The following CTBP2 variants were observed in gnomAD, a reference collection of about 807,000 sequenced individuals.
CTBP2 encodes the protein C-terminal-binding protein 2.
CTBP2 carries 30 observed loss-of-function variants against 80.3 expected under a neutral mutation model. The ratio of observed to expected loss-of-function variants is 0.37; its 90% CI spans 0.28 to 0.51. The LOEUF is 0.51. Among genes scored for constraint, CTBP2 ranks in the 20% least tolerant of loss-of-function variants. The pLI, the probability that CTBP2 is intolerant of heterozygous loss-of-function variation, is 0.93. For synonymous variants in CTBP2, 594 were observed against 587.4 expected, an observed-to-expected ratio of 1.01 and a Z score of -0.16; for missense variants, 1,212 against 1,375.3, an observed-to-expected ratio of 0.88 and a Z score of 1.88.
chr10:125,033,376 AGC>A (rs1485653641), intron 3 of CTBP2, among the ~76,000 whole-genome samples: 2 of 152,198 alleles, frequency 1.3e-5, no homozygotes, highest in Admixed American at 6.5e-5. Context: ...AACGCCCTCG[AGC>A]GCGCACGCCA....
rs1335127570 is a variant in CTBP2, at chr10:125,066,881, C to T, written c.-101-27726G>A. On this transcript the variant is annotated intron_variant, in intron 2 of 10. Transcript: ENST00000337195. This position sits in a 1 kb window ranked among gnomAD's most constrained non-coding sequence, Gnocchi z 4.1. ...AGGGAAGCCCAGTGTGTGCGACGTGCCTCTTCCTATCTCCCCTGGGCAGTC... is the reference window on the plus strand; with the variant it reads ...AGGGAAGCCCAGTGTGTGCGACGTGTCTCTTCCTATCTCCCCTGGGCAGTC... Among the ~76,000 whole-genome samples the T allele has an allele frequency of 6.6e-6, 1 of 152,144 alleles. No homozygotes were observed. Among genetic ancestry groups the T allele is most frequent in the Admixed American group, 6.5e-5 (1 of 15,284 alleles).
intron 1 of CTBP2, among the ~76,000 whole-genome samples, chr10:125,020,182 A>G (rs1439684067): frequency 6.6e-6 from 1 of 152,212 alleles, no homozygotes; most frequent in African/African-American, 2.4e-5. Context: ...GGCCAAGATC[A>G]ACAGCTTTTA....
At chr10:125,159,467 T>C (rs1387986898) in intron 1 of CTBP2, among the ~76,000 whole-genome samples, 1 of 144,596 alleles carries the variant, frequency 6.9e-6, no homozygotes, top group African/African-American at 2.5e-5. Flanking sequence ...CCGCCGCGAC[T>C]TTGGCGGGCC....
At position 124,986,005 on chromosome 10, in the gene CTBP2, A is replaced by C. The variant is rs1291058390; in HGVS notation, c.*3513T>G. On this transcript the variant is annotated 3_prime_UTR_variant, in exon 9 of 9. Transcript: ENST00000309035. Reference sequence around the variant, plus strand: ...GAATAAAGATTTTAAAAATGCAATAAGGTGGCAAATGCATTGTATGAAGAA... The same window carrying C: ...GAATAAAGATTTTAAAAATGCAATACGGTGGCAAATGCATTGTATGAAGAA... 1 of 152,444 alleles carries C rather than the reference A, an allele frequency of 6.6e-6. No individual in the cohort carries two copies. Among genetic ancestry groups the C allele is most frequent in the African/African-American group, 2.4e-5 (1 of 41,470 alleles). The allele number at this position is 152,444 out of a possible 1,614,324, so 9.4% of individuals were successfully genotyped here.
chr10:125,002,031 C>G (rs1420889400), intron 3 of CTBP2, among the ~76,000 whole-genome samples: 1 of 152,174 alleles, frequency 6.6e-6, no homozygotes, highest in African/African-American at 2.4e-5. Flanking sequence ...GGGCCTTAGC[C>G]GATGGGAGAG....
At chr10:125,130,372 C>T (rs928066067) in intron 1 of CTBP2, among the ~76,000 whole-genome samples, 5 of 152,168 alleles carry the variant, frequency 3.3e-5, no homozygotes, top group African/African-American at 1.2e-4. Context: ...TCTAGCCTTC[C>T]CTTGCTGAGC....
chr10:125,059,281 T>G (rs1964529270), intron 2 of CTBP2, among the ~76,000 whole-genome samples: 1 of 152,066 alleles, frequency 6.6e-6, no homozygotes, highest in South Asian at 2.1e-4. Flanking sequence ...GCAATTTCAC[T>G]TCAGAAATGT....
At chr10:125,144,781 T>C (rs984635748) in intron 1 of CTBP2, among the ~76,000 whole-genome samples, 9 of 152,348 alleles carry the variant, frequency 5.9e-5, no homozygotes, top group African/African-American at 1.9e-4. Flanking sequence ...CTTGTGTACA[T>C]AGATAGTAAT....
At chr10:125,131,744 C>T (rs560307487) in intron 1 of CTBP2, among the ~76,000 whole-genome samples, 1 of 152,320 alleles carries the variant, frequency 6.6e-6, no homozygotes, top group South Asian at 2.1e-4. Flanking sequence ...GTGATTCAGG[C>T]ACTCAGAATC....
intron 2 of CTBP2, among the ~76,000 whole-genome samples, chr10:125,067,041 C>G (rs1394692975): frequency 6.6e-6 from 1 of 152,202 alleles, no homozygotes; most frequent in Admixed American, 6.5e-5. Flanking sequence ...AGACACCCCC[C>G]ACGTCCACCT....
chr10:125,151,826 G>A lies in CTBP2; in HGVS notation c.-206+8493C>T, dbSNP rs372497660. Among the ~76,000 whole-genome samples the A allele has an allele frequency of 1.2e-4, 19 of 152,314 alleles. No individual in the cohort carries two copies. The South Asian group carries it at 3.7e-3, about 30-fold the overall frequency. Reference sequence around the variant, plus strand: ...GGGCCGGCGACCCTGCTGGCTTGAGGCGGCGTCTAGCTGGACCCCCGCCGC... The same window carrying A: ...GGGCCGGCGACCCTGCTGGCTTGAGACGGCGTCTAGCTGGACCCCCGCCGC... On this transcript the variant is annotated intron_variant, in intron 1 of 10. Coordinates refer to the CTBP2 transcript ENST00000337195.
Position 124,994,496 on chromosome 10 carries a change from G to T in CTBP2, c.2373C>A (p.His791Gln). The change falls in exon 5 of 9, where the codon CAC (histidine) becomes CAA (glutamine). Residue 791 changes from histidine (H) to glutamine (Q), a missense_variant. Coordinates refer to ENST00000309035, the MANE Select transcript of CTBP2 (RefSeq NM_022802.3). ...GCTTTATGGTAAAGTCATTGATGAG[G>T]TGGTGGTTATGTTCGTTGAGATTGC... 6.2e-7 allele frequency: 1 copy of T among 1,614,004 alleles called. No homozygotes were observed. The highest frequency in any genetic ancestry group is 8.5e-7 in the Non-Finnish European group (1 of 1,179,864).
At chr10:125,104,379 A>G (rs1851127257) in intron 2 of CTBP2, among the ~76,000 whole-genome samples, 1 of 152,156 alleles carries the variant, frequency 6.6e-6, no homozygotes, top group Non-Finnish European at 1.5e-5. Context: ...TTTTTGCCAT[A>G]TATAATTAAT....
chr10:125,045,811 A>G lies in CTBP2; in HGVS notation c.-101-6656T>C, dbSNP rs538192510. Among the ~76,000 whole-genome samples the G allele has an allele frequency of 2.0e-5, 3 of 152,296 alleles. No homozygotes were observed. In the East Asian group the frequency reaches 5.8e-4, roughly 29 times the overall value. On this transcript the variant is annotated intron_variant, in intron 2 of 10. Coordinates refer to the CTBP2 transcript ENST00000337195. ...AGTCGTGACCCTTTCTAATATACAC[A>G]TTGAAGTTTCACTCTGGTTCCACCA...
At chr10:125,028,645 G>A (rs996099326), upstream of CTBP2, among the ~76,000 whole-genome samples, 24 of 152,272 alleles carry the variant, frequency 1.6e-4, no homozygotes, top group Non-Finnish European at 2.9e-5. Flanking sequence ...GGGCCGGGGA[G>A]TGCCAGGGAA....
chr10:125,002,594 G>A (rs1330261318), intron 3 of CTBP2, among the ~76,000 whole-genome samples: 2 of 152,196 alleles, frequency 1.3e-5, no homozygotes, highest in Non-Finnish European at 1.5e-5. Context: ...ACACACGGCA[G>A]GGGTCATTTA....
At chr10:125,125,511 C>G (rs1590941710) in intron 1 of CTBP2, among the ~76,000 whole-genome samples, 1 of 152,166 alleles carries the variant, frequency 6.6e-6, no homozygotes, top group East Asian at 1.9e-4. Flanking sequence ...TCATAAAAAG[C>G]AAACATCCCC....
chr10:125,138,479 C>T (rs1042037666), intron 1 of CTBP2, among the ~76,000 whole-genome samples: 10 of 151,916 alleles, frequency 6.6e-5, no homozygotes, highest in African/African-American at 1.9e-4. Flanking sequence ...TCAGAAACAG[C>T]GGAAGATGGA....
intron 1 of CTBP2, among the ~76,000 whole-genome samples, chr10:125,130,123 C>T (rs1189185484): frequency 1.3e-5 from 2 of 151,434 alleles, no homozygotes; most frequent in African/African-American, 4.9e-5. Flanking sequence ...TCTCGGCTCA[C>T]TGCAACCTCT....
Sources: gnomAD v4.1 joint callset for allele counts (sites outside exome capture counted in the v4.1 genomes callset) on GRCh38, gnomAD v4.1.1 for gene constraint, Gnocchi (gnomAD v3.1) non-coding constraint, MANE v1.5 for transcripts, NCBI Gene and HGNC (gene_info 2026-07-23, HGNC 2026-07-21) for gene names.